AHNAK2: variants seen among roughly 807,000 people sequenced by gnomAD.
AHNAK2 encodes the protein AHNAK nucleoprotein 2.
Under a neutral mutation model 30.7 loss-of-function variants are expected in AHNAK2, and 18 were observed. The ratio of observed to expected loss-of-function variants is 0.59; its 90% CI spans 0.41 to 0.87. The LOEUF is 0.87. AHNAK2 is among the 40% of genes least tolerant of loss of function. The pLI, the probability that AHNAK2 is intolerant of heterozygous loss-of-function variation, is 0.00. For missense variants in AHNAK2, 8,604 were observed against 7,373.0 expected (o/e 1.17, Z -6.11); for synonymous variants, 3,590 against 3,073.8 (o/e 1.17, Z -5.56).
At position 104,940,444 on chromosome 14, in the gene AHNAK2, T is replaced by C. The variant is rs768239984; in HGVS notation, c.15007A>G (p.Met5003Val). The C allele has an allele frequency of 4.3e-6, 7 of 1,613,782 alleles. No individual in the cohort carries two copies. The highest frequency in any genetic ancestry group is 2.7e-5 in the African/African-American group (2 of 74,930). Residue 5003 changes from methionine (M) to valine (V), a missense_variant, in exon 7 of 7, where the codon ATG becomes GTG. Met to Val is a conservative substitution (Grantham distance 21, BLOSUM62 1). Coordinates refer to ENST00000333244, the MANE Select transcript of AHNAK2 (RefSeq NM_138420.4). This position sits in a 1 kb window ranked among gnomAD's most constrained non-coding sequence, Gnocchi z 4.4. Reference sequence around the variant, plus strand: ...CCATCCCTCTCAGGAGGCAGATCCATGTGGATGGCAGACTGCGGGGCCACT... The same window carrying C: ...CCATCCCTCTCAGGAGGCAGATCCACGTGGATGGCAGACTGCGGGGCCACT... ...DEVAPQSAIH[M>V]DLPPERDGEK...
chr14:104,952,203 T>A lies in AHNAK2; in HGVS notation c.3248A>T (p.Lys1083Met), dbSNP rs764949249. 6.2e-7 allele frequency: 1 copy of A among 1,612,396 alleles called. No individual in the cohort carries two copies. Among genetic ancestry groups the A allele is most frequent in the Non-Finnish European group, 8.5e-7 (1 of 1,179,588 alleles). ...EGAGLKGHLP[K>M]VEMPSFKMPK... ...CATCTTGAAACTGGGCATCTCCACCTTGGGCAAGTGCCCTTTAAGGCCAGC... is the reference window on the plus strand; with the variant it reads ...CATCTTGAAACTGGGCATCTCCACCATGGGCAAGTGCCCTTTAAGGCCAGC... The change falls in exon 7 of 7, where the codon AAG (lysine) becomes ATG (methionine). Residue 1083 changes from lysine (K) to methionine (M), a missense_variant. Transcript: ENST00000333244.
At position 104,942,234 on chromosome 14, in the gene AHNAK2, G is replaced by A. The variant is rs1188360932; in HGVS notation, c.13217C>T (p.Pro4406Leu). 1 of 1,613,028 alleles carries A rather than the reference G, an allele frequency of 6.2e-7. No homozygotes were observed. Among genetic ancestry groups the A allele is most frequent in the South Asian group, 1.1e-5 (1 of 91,060 alleles). Residue 4406 changes from proline to leucine, a missense_variant, in exon 7 of 7, where the codon CCC becomes CTC. By Grantham distance (98) the Pro-to-Leu change is moderately conservative. Transcript: ENST00000333244. ...CTTGGGGCCTTTCAGGTCCAGCTTG[G>A]GGACATTAACGTCTATCTGGGGACC... ...LKGPQIDVNV[P>L]KLDLKGPKVE...
At chr14:104,974,781 G>A (rs544698250) in intron 1 of AHNAK2, among the ~76,000 whole-genome samples, 3 of 152,346 alleles carry the variant, frequency 2.0e-5, no homozygotes, top group Non-Finnish European at 4.4e-5. Flanking sequence ...CGCAGGGTCC[G>A]TCTCTGCCAG....
rs772827989 is a variant in AHNAK2, at chr14:104,946,831, C to T, written c.8620G>A (p.Ala2874Thr). The stretch of plus-strand genomic sequence containing the variant: ...GGGAGTTTCACGTCCACCTGGCCAG[C>T]CTGGACCTCCAGTTGGGCGGAGGGG... ...QPPSAQLEVQ[A>T]GQVDVKLPEG... The change falls in exon 7 of 7, where the codon GCT (alanine) becomes ACT (threonine). Residue 2874 changes from alanine to threonine, a missense_variant. Physicochemically the swap from Ala to Thr is moderately conservative, Grantham distance 58. Transcript: ENST00000333244. The T allele has an allele frequency of 6.2e-7, 1 of 1,612,516 alleles. No homozygotes were observed. Among genetic ancestry groups the T allele is most frequent in the Admixed American group, 1.7e-5 (1 of 59,882 alleles).
Position 104,961,961 on chromosome 14 carries a change from A to G in AHNAK2, c.56-4289T>C, listed in dbSNP as rs187991777. Among the ~76,000 whole-genome samples, 5 of 152,354 alleles carry G rather than the reference A, an allele frequency of 3.3e-5. 1 individual carries two copies. The South Asian group carries it at 6.2e-4, about 19-fold the overall frequency. ...GCACTCCAGCCGGGGCAGCAAAGCA[A>G]GACCCTGTCTCAAAAAACAAACAAA... is the stretch of plus-strand genomic sequence containing the variant. On this transcript the variant is annotated intron_variant, in intron 1 of 6. Transcript: ENST00000333244.
In AHNAK2 at chr14:104,948,398, G is replaced by C. The variant is rs757936379; in HGVS notation, c.7053C>G (p.Asp2351Glu). ...ADVSALKVEA[D>E]VSLPSMQGDL... The stretch of plus-strand genomic sequence containing the variant: ...CCCCCTGCATGGAGGGGAGGCTCAC[G>C]TCGGCCTCCACCTTCAACGCAGACA... The change falls in exon 7 of 7, where the codon GAC (aspartate) becomes GAG (glutamate). Residue 2351 changes from aspartate (D) to glutamate (E), a missense_variant. Asp to Glu is a conservative substitution (Grantham distance 45). Transcript: ENST00000333244. The C allele has an allele frequency of 1.9e-6, 3 of 1,612,172 alleles. No homozygotes were observed. Among genetic ancestry groups the C allele is most frequent in the Non-Finnish European group, 1.7e-6 (2 of 1,179,560 alleles).
chr14:104,961,439 C>CG lies in AHNAK2; in HGVS notation c.56-3768dup, dbSNP rs1331815160. Among the ~76,000 whole-genome samples the CG allele has an allele frequency of 6.3e-5, 9 of 144,000 alleles. No individual in the cohort carries two copies. The East Asian group carries it at 1.6e-3, about 25-fold the overall frequency. 94.5% of individuals were successfully genotyped at this position (144,000 alleles called of 152,430 possible). A position where few individuals can be genotyped will look rare whatever the true frequency, so the allele number is the denominator to read the frequency against. On this transcript the variant is annotated intron_variant, in intron 1 of 6. Transcript: ENST00000333244. ...TGAGGCAGGAGAATGGCGTGAACCCCGGGGGGCGGAGCCTGCAGTGAGCCG... is the reference window on the plus strand; with the variant it reads ...TGAGGCAGGAGAATGGCGTGAACCCCGGGGGGGCGGAGCCTGCAGTGAGCCG...
At chr14:104,969,600 GA>G (rs1440402983) in intron 1 of AHNAK2, among the ~76,000 whole-genome samples, 2 of 152,212 alleles carry the variant, frequency 1.3e-5, no homozygotes, top group Non-Finnish European at 2.9e-5. Flanking sequence ...CAGTGCATGG[GA>G]AAAAGGAAGG....
Position 104,947,532 on chromosome 14 carries a change from C to G in AHNAK2, c.7919G>C (p.Gly2640Ala), listed in dbSNP as rs535560691. Residue 2640 changes from glycine (G) to alanine (A), a missense_variant, in exon 7 of 7, where the codon GGT becomes GCT. By Grantham distance (60) the Gly-to-Ala change is moderately conservative (BLOSUM62 0). Coordinates refer to ENST00000333244, the MANE Select transcript of AHNAK2 (RefSeq NM_138420.4). ...GAACTTGCTATCTTTGGCTGTCACA[C>G]CCTTGTCGGCCAGGGACAGGTCCCC... ...LEGDLSLADK[G>A]VTAKDSKFKM... 1,143 of 1,611,636 alleles carry G rather than the reference C, an allele frequency of 7.1e-4. 26 individuals carry two copies. The African/African-American group carries it at 0.013, about 19-fold the overall frequency.
chr14:104,975,546 C>T (rs1335555359), intron 1 of AHNAK2, among the ~76,000 whole-genome samples: 2 of 152,218 alleles, frequency 1.3e-5, no homozygotes, highest in Non-Finnish European at 2.9e-5. Flanking sequence ...CCTTTGCCTG[C>T]GGTCACCCTG....
chr14:104,942,958 C>T lies in AHNAK2; in HGVS notation c.12493G>A (p.Ala4165Thr), dbSNP rs1304089314. Residue 4165 changes from alanine to threonine, a missense_variant, in exon 7 of 7, where the codon GCC becomes ACC. Transcript: ENST00000333244. ...TGCATGGAGGGGAGGCTCACGTCGGCTTTCGCCTTCAGCTCAGACACATCC... is the reference window on the plus strand; with the variant it reads ...TGCATGGAGGGGAGGCTCACGTCGGTTTTCGCCTTCAGCTCAGACACATCC... ...SVDVSELKAK[A>T]DVSLPSMQGD... is the part of the protein sequence containing the mutation. 6.2e-7 allele frequency: 1 copy of T among 1,613,204 alleles called. No homozygotes were observed. The highest frequency in any genetic ancestry group is 1.3e-5 in the African/African-American group (1 of 74,748).
chr14:104,947,317 C>A lies in AHNAK2; in HGVS notation c.8134G>T (p.Val2712Leu), dbSNP rs963891580. ...TGGCCCTCTGGGAGTTTCACATCCA[C>A]CTGGCCAGCCTGGACCTCCAGTTGG... ...SAQLEVQAGQ[V>L]DVKLPEGHVP... The change falls in exon 7 of 7, where the codon GTG (valine) becomes TTG (leucine). Residue 2712 changes from valine to leucine, a missense_variant. By Grantham distance (32) the Val-to-Leu change is conservative (BLOSUM62 1). Coordinates refer to ENST00000333244, the MANE Select transcript of AHNAK2 (RefSeq NM_138420.4). 1.9e-6 allele frequency: 3 copies of A among 1,611,998 alleles called. No homozygotes were observed. The highest frequency in any genetic ancestry group is 1.3e-5 in the African/African-American group (1 of 74,102).
intron 1 of AHNAK2, among the ~76,000 whole-genome samples, chr14:104,961,285 C>T (rs547590511): frequency 1.1e-3 from 166 of 152,018 alleles, no homozygotes; most frequent in Non-Finnish European, 1.5e-3. Flanking sequence ...GAGGCCGAGG[C>T]GGGCGGATCA....
intron 1 of AHNAK2, among the ~76,000 whole-genome samples, chr14:104,967,201 C>T (rs1010304389): frequency 1.3e-5 from 2 of 152,194 alleles, no homozygotes; most frequent in Non-Finnish European, 2.9e-5. Flanking sequence ...CCCGTCCCTC[C>T]GCAGCCTCCC....
At position 104,948,334 on chromosome 14, in the gene AHNAK2, C is replaced by G; in HGVS notation, c.7117G>C (p.Ala2373Pro). The G allele has an allele frequency of 1.2e-6, 2 of 1,612,696 alleles. No homozygotes were observed. The highest frequency in any genetic ancestry group is 2.2e-5 in the East Asian group (1 of 44,742). The change falls in exon 7 of 7, where the codon GCT (alanine) becomes CCT (proline). Residue 2373 changes from alanine (A) to proline (P), a missense_variant. Coordinates refer to ENST00000333244, the MANE Select transcript of AHNAK2 (RefSeq NM_138420.4). ...TTDLSVQPPS[A>P]DLEVQAGQVD... Reference sequence around the variant, plus strand: ...TGGCCAGCCTGGACCTCCAGGTCAGCGGAAGGGGGCTGAACGCTGAGGTCA... The same window carrying G: ...TGGCCAGCCTGGACCTCCAGGTCAGGGGAAGGGGGCTGAACGCTGAGGTCA...
At position 104,954,294 on chromosome 14, in the gene AHNAK2, T is replaced by TCTCGATCCTGTTCTGCCCTCTC; in HGVS notation, c.1135_1156dup (p.Glu386GlyfsTer23). 1 of 1,613,470 alleles carries TCTCGATCCTGTTCTGCCCTCTC rather than the reference T, an allele frequency of 6.2e-7. No individual in the cohort carries two copies. Among genetic ancestry groups the TCTCGATCCTGTTCTGCCCTCTC allele is most frequent in the South Asian group, 1.1e-5 (1 of 91,080 alleles). ...TGGCATGCTCTGAGCAGGCATCACT[T>TCTCGATCCTGTTCTGCCCTCTC]CTCGATCCTGTTCTGCCCTCTCCTC... is the stretch of plus-strand genomic sequence containing the variant. On this transcript the variant is annotated frameshift_variant, in exon 7 of 7. Transcript: ENST00000333244. LOFTEE classifies it low-confidence loss of function (END_TRUNC). This position sits in a 1 kb window ranked among gnomAD's most constrained non-coding sequence, Gnocchi z 4.3.
rs945059048 is a variant in AHNAK2, at chr14:104,954,854, T to C, written c.652-55A>G. ...TGCCAGTCCAAGAAGCCTGGGGCCC[T>C]GGCCCAGGGACAGATGGAGTGGGAG... On this transcript the variant is annotated intron_variant, in intron 6 of 6. Transcript: ENST00000333244. This position sits in a 1 kb window ranked among gnomAD's most constrained non-coding sequence, Gnocchi z 4.3. 85 of 1,535,088 alleles carry C rather than the reference T, an allele frequency of 5.5e-5. No individual in the cohort carries two copies. The highest frequency in any genetic ancestry group is 1.8e-4 in the Middle Eastern group (1 of 5,458).
rs747827232 is a variant in AHNAK2, at chr14:104,953,866, C to A, written c.1585G>T (p.Gly529Cys). ...ASSKAGTGLKGEEVEGAGWMP... is the reference protein window; with the variant it reads ...ASSKAGTGLKCEEVEGAGWMP... ...CACCCGGCTCCTTCCACCTCCTCAC[C>A]CTTCAGGCCAGTACCCGCTTTTGAG... is the stretch of plus-strand genomic sequence containing the variant. Residue 529 changes from glycine to cysteine, a missense_variant, in exon 7 of 7, where the codon GGT becomes TGT. By Grantham distance (159) the Gly-to-Cys change is radical. Coordinates refer to ENST00000333244, the MANE Select transcript of AHNAK2 (RefSeq NM_138420.4). 1 of 1,613,986 alleles carries A rather than the reference C, an allele frequency of 6.2e-7. No homozygotes were observed. The highest frequency in any genetic ancestry group is 8.5e-7 in the Non-Finnish European group (1 of 1,179,890).
chr14:104,976,987 A>T (rs1899609081), intron 1 of AHNAK2, among the ~76,000 whole-genome samples: 1 of 152,156 alleles, frequency 6.6e-6, no homozygotes, highest in African/African-American at 2.4e-5. Context: ...TTGGGCTCCC[A>T]TCTGCGACAC....
Sources: gnomAD v4.1 joint callset for allele counts (sites outside exome capture counted in the v4.1 genomes callset) on GRCh38, gnomAD v4.1.1 for gene constraint, Gnocchi (gnomAD v3.1) non-coding constraint, MANE v1.5 for transcripts, NCBI Gene and HGNC (gene_info 2026-07-23, HGNC 2026-07-21) for gene names.